STX8: variants seen among roughly 807,000 people sequenced by gnomAD.
STX8 encodes syntaxin 8.
A neutral mutation model predicts 37.5 loss-of-function variants in STX8; 23 were observed. That is an observed-to-expected ratio of 0.61 (90% confidence interval 0.44 to 0.87). The LOEUF is 0.87. Among genes scored for constraint, STX8 ranks in the 40% least tolerant of loss-of-function variants. The pLI is 0.00. For synonymous variants in STX8, 115 were observed against 99.1 expected (o/e 1.16, Z -0.95); for missense variants, 313 against 284.7 (o/e 1.10, Z -0.71).
At chr17:9,264,457 A>C (rs1445604969) in intron 7 of STX8, among the ~76,000 whole-genome samples, 1 of 152,130 alleles carries the variant, frequency 6.6e-6, no homozygotes, top group Non-Finnish European at 1.5e-5. Context: ...TGTGCATGCC[A>C]CCATACTTGG....
chr17:9,438,958 C>CAA (rs1179789995), intron 6 of STX8, among the ~76,000 whole-genome samples: 1 of 151,944 alleles, frequency 6.6e-6, no homozygotes, highest in African/African-American at 2.4e-5. Context: ...ACAAAAAAAA[C>CAA]CATAGTCAAA....
chr17:9,519,679 ACAT>A (rs1408094642), intron 4 of STX8, among the ~76,000 whole-genome samples: 1 of 151,904 alleles, frequency 6.6e-6, no homozygotes, highest in Non-Finnish European at 1.5e-5. Context: ...TCTCTCTACG[ACAT>A]CATCTCCTCA....
chr17:9,541,696 C>A (rs565047629), intron 4 of STX8, among the ~76,000 whole-genome samples: 118 of 152,252 alleles, frequency 7.8e-4, no homozygotes, highest in African/African-American at 2.7e-3. Context: ...GAGCTAAAAT[C>A]CAAGTTCTAT....
At chr17:9,384,802 GT>G (rs879587484) in intron 6 of STX8, among the ~76,000 whole-genome samples, 49 of 151,858 alleles carry the variant, frequency 3.2e-4, no homozygotes, top group Non-Finnish European at 5.6e-4. Context: ...ACTTGTGTGT[GT>G]GTGTGTGTGT....
intron 4 of STX8, among the ~76,000 whole-genome samples, chr17:9,523,366 A>T (rs571399697): frequency 7.6e-6 from 1 of 131,866 alleles, no homozygotes; most frequent in East Asian, 2.2e-4. Context: ...CTTATATGTC[A>T]ATTAAATATA....
rs537821934 is a variant in STX8 at position 9,427,650 on chromosome 17, A to G, written c.542-48997T>C. ...GGCTGCGGCTGCCTCGAGGGATATT[A>G]AACACACAAATGACAGAGTGGCAAC... On this transcript the variant is annotated intron_variant, in intron 6 of 7. Transcript: ENST00000306357. 2.4e-4 allele frequency among the ~76,000 whole-genome samples: 36 copies of G among 152,234 alleles called. No individual in the cohort carries two copies. In the South Asian group the frequency reaches 7.2e-3, roughly 31 times the overall value.
At chr17:9,520,104 A>G (rs965415062) in intron 4 of STX8, among the ~76,000 whole-genome samples, 2 of 152,226 alleles carry the variant, frequency 1.3e-5, no homozygotes, top group Non-Finnish European at 2.9e-5. Context: ...GCCTCGGAAT[A>G]TGCCAGAGCA....
At position 9,485,554 on chromosome 17, in the gene STX8, A is replaced by G. The variant is rs117558445; in HGVS notation, c.541+6275T>C. On this transcript the variant is annotated intron_variant, in intron 6 of 7. Transcript: ENST00000306357. ...AAAAACTAGGAAACTTAGAGGATTGATCCAGGAGTTCTTTGTTTTTGTTTT... is the reference window on the plus strand; with the variant it reads ...AAAAACTAGGAAACTTAGAGGATTGGTCCAGGAGTTCTTTGTTTTTGTTTT... Among the ~76,000 whole-genome samples, 95 of 151,764 alleles carry G rather than the reference A, an allele frequency of 6.3e-4. No homozygotes were observed. The East Asian group carries it at 0.014, about 23-fold the overall frequency.
At chr17:9,299,437 C>T (rs11871900) in intron 7 of STX8, among the ~76,000 whole-genome samples, 1,453 of 120,500 alleles carry the variant, frequency 0.012, 30 homozygotes, top group African/African-American at 0.044. Context: ...TTCATTCTTA[C>T]GCTTTTTTTT....
chr17:9,346,885 T>C (rs757100856), intron 7 of STX8, among the ~76,000 whole-genome samples: 1 of 152,066 alleles, frequency 6.6e-6, no homozygotes, highest in Non-Finnish European at 1.5e-5. Flanking sequence ...CCCAGCACTC[T>C]GGGAGGCCGA....
chr17:9,523,780 G>A (rs779217649), intron 4 of STX8, among the ~76,000 whole-genome samples: 1 of 152,204 alleles, frequency 6.6e-6, no homozygotes, highest in South Asian at 2.1e-4. Context: ...TGTGAGTTCA[G>A]TGAAACAAAA....
At chr17:9,425,687 G>A (rs574921642) in intron 6 of STX8, among the ~76,000 whole-genome samples, 33 of 152,236 alleles carry the variant, frequency 2.2e-4, no homozygotes, top group African/African-American at 7.9e-4. Flanking sequence ...CAAAATAATT[G>A]CGGTACAGCA....
intron 6 of STX8, among the ~76,000 whole-genome samples, chr17:9,461,557 C>T (rs11078803): frequency 0.27 from 40,442 of 151,858 alleles, 5,540 homozygotes; most frequent in South Asian, 0.34. Context: ...TATTCAGGCT[C>T]AGCTGCCAGG....
At chr17:9,503,105 C>CAAA (rs61437085) in intron 5 of STX8, among the ~76,000 whole-genome samples, 9,310 of 57,748 alleles carry the variant, frequency 0.16, 1,586 homozygotes, top group South Asian at 0.22. Flanking sequence ...GACTCTGTCT[C>CAAA]AAAAAAAAAA....
intron 6 of STX8, among the ~76,000 whole-genome samples, chr17:9,445,291 A>G (rs1173433508): frequency 6.6e-6 from 1 of 151,816 alleles, no homozygotes; most frequent in African/African-American, 2.4e-5. Context: ...ACCAAGGAAC[A>G]TTTCTTTTTT....
intron 3 of STX8, among the ~76,000 whole-genome samples, chr17:9,547,652 G>GAA (rs1906595579): frequency 7.5e-6 from 1 of 133,572 alleles, no homozygotes; most frequent in Non-Finnish European, 1.6e-5. Flanking sequence ...AAAAAGAAAA[G>GAA]AAAAGAAAAG....
At chr17:9,311,806 A>G (rs1470047888) in intron 7 of STX8, among the ~76,000 whole-genome samples, 5 of 152,192 alleles carry the variant, frequency 3.3e-5, no homozygotes, top group Non-Finnish European at 7.3e-5. Context: ...AGTGCCTGAT[A>G]ACATGGTAAG....
Position 9,262,181 on chromosome 17 carries a change from A to C in STX8, c.644-11536T>G, listed in dbSNP as rs116470360. On this transcript the variant is annotated intron_variant, in intron 7 of 7. Transcript: ENST00000306357. ...AGGAAATCATTTGACCAACACGCAA[A>C]AGACTATGGGGTAGATCTGAATTGA... Among the ~76,000 whole-genome samples the C allele has an allele frequency of 2.4e-3, 367 of 152,318 alleles. 2 individuals carry two copies. The highest frequency in any genetic ancestry group is 8.3e-3 in the African/African-American group (347 of 41,570).
At chr17:9,474,832 C>T (rs1204071563) in intron 6 of STX8, among the ~76,000 whole-genome samples, 5 of 152,004 alleles carry the variant, frequency 3.3e-5, no homozygotes, top group African/African-American at 1.2e-4. Context: ...ATTAGCTGGG[C>T]GTGGTGGTGC....
Sources: allele counts gnomAD v4.1 joint callset (sites outside exome capture counted in the v4.1 genomes callset), GRCh38; gene constraint gnomAD v4.1.1; transcripts MANE v1.5; gene names NCBI Gene and HGNC (gene_info 2026-07-23, HGNC 2026-07-21).